The following TTLL13 variants were observed in gnomAD, a reference collection of about 807,000 sequenced individuals.
TTLL13 encodes the protein tubulin polyglutamylase TTLL13.
At chr15:90,262,636 C>T in the TTLL13 span, 1 of 1,511,408 alleles carries the variant, frequency 6.6e-7, no homozygotes, top group African/African-American at 1.4e-5. Flanking sequence ...TTTCCACCCA[C>T]TTGGCTTACA....
chr15:90,258,065 G>T, the TTLL13 span: 1 of 1,614,194 alleles, frequency 6.2e-7, no homozygotes, highest in Admixed American at 1.7e-5. Flanking sequence ...ACATCTGGCT[G>T]CAAGAGCACA....
the TTLL13 span, chr15:90,250,499 G>A: frequency 1.8e-6 from 2 of 1,132,466 alleles, no homozygotes; most frequent in Non-Finnish European, 2.5e-6. Context: ...GTCCTGAAGG[G>A]GCAGCAACTT....
chr15:90,249,573 G>T, the TTLL13 span: 80,246 of 152,240 alleles, frequency 0.53, 22,698 homozygotes, highest in African/African-American at 0.72. Context: ...GCGCTGCCCC[G>T]GCAGCCGCAG....
chr15:90,253,200 C>G, the TTLL13 span: 17 of 1,502,708 alleles, frequency 1.1e-5, no homozygotes, highest in Non-Finnish European at 1.6e-5. Context: ...AGTTCCAGGG[C>G]TTGTTGCTGG....
the TTLL13 span, chr15:90,265,439 A>G: frequency 3.1e-6 from 4 of 1,308,320 alleles, no homozygotes; most frequent in South Asian, 7.1e-5. Context: ...GGCTCTTGGA[A>G]ACGGAATCCG....
chr15:90,264,875 GAAC>G, the TTLL13 span: 1 of 1,536,046 alleles, frequency 6.5e-7, no homozygotes, highest in Non-Finnish European at 8.7e-7. Context: ...GGTAAACTCT[GAAC>G]ACAGAGCAGC....
chr15:90,250,697 A>T, the TTLL13 span: 1 of 1,614,014 alleles, frequency 6.2e-7, no homozygotes, highest in Non-Finnish European at 8.5e-7. Flanking sequence ...GGAATCTGAG[A>T]AGTGTGTTAA....
chr15:90,257,492 G>C, the TTLL13 span: 1 of 969,836 alleles, frequency 1.0e-6, no homozygotes, highest in Non-Finnish European at 1.5e-6. Context: ...TCTTCCCCAG[G>C]ATCATCTAGA....
chr15:90,264,940 A>G, the TTLL13 span: 2 of 1,535,816 alleles, frequency 1.3e-6, no homozygotes, highest in Admixed American at 2.0e-5. Flanking sequence ...GTTCCAGAGC[A>G]CTCCTCAACA....
chr15:90,259,934 T>C, the TTLL13 span, among the ~76,000 whole-genome samples: 2 of 152,230 alleles, frequency 1.3e-5, no homozygotes, highest in Non-Finnish European at 2.9e-5. Context: ...TATGATCACA[T>C]TGCTCTTCCC....
At chr15:90,264,634 G>A in the TTLL13 span, 68 of 1,455,260 alleles carry the variant, frequency 4.7e-5, no homozygotes, top group Non-Finnish European at 5.6e-5. Context: ...CTTCCTCTGT[G>A]TTGGTAATTG....
At chr15:90,252,900 C>G in the TTLL13 span, among the ~76,000 whole-genome samples, 110,872 of 152,030 alleles carry the variant, frequency 0.73, 41,226 homozygotes, top group African/African-American at 0.88. Context: ...CTATTGGGGA[C>G]GCTGAGGCAC....
chr15:90,264,494 G>C, the TTLL13 span, among the ~76,000 whole-genome samples: 2 of 152,274 alleles, frequency 1.3e-5, no homozygotes, highest in Non-Finnish European at 2.9e-5. Flanking sequence ...CTGTACACTA[G>C]ACCCTGGTGA....
chr15:90,264,801 G>C, the TTLL13 span: 1 of 1,536,070 alleles, frequency 6.5e-7, no homozygotes, highest in South Asian at 1.2e-5. Context: ...CCAAAGCAGG[G>C]CTATTTTCTG....
chr15:90,249,975 A>ATTTATTTATTTG, the TTLL13 span, among the ~76,000 whole-genome samples: 3 of 151,798 alleles, frequency 2.0e-5, no homozygotes, highest in Non-Finnish European at 4.4e-5. Flanking sequence ...TTATTTATTT[A>ATTTATTTATTTG]GAGACAGACT....
chr15:90,256,579 TTCTTTCTTTCTTTCTTTC>T, the TTLL13 span, among the ~76,000 whole-genome samples: 1 of 31,124 alleles, frequency 3.2e-5, no homozygotes, highest in African/African-American at 1.2e-4. Context: ...CTTTCTTTCT[TTCTTTCTTTCTTTCTTTC>T]TTTCTTTCTT....
the TTLL13 span, chr15:90,259,133 C>T: frequency 3.0e-5 from 37 of 1,224,812 alleles, no homozygotes; most frequent in Middle Eastern, 3.1e-4. Flanking sequence ...GAGGCTGAGG[C>T]AGGAGGATTG....
chr15:90,255,760 C>G, the TTLL13 span: 1 of 1,614,166 alleles, frequency 6.2e-7, no homozygotes, highest in South Asian at 1.1e-5. Flanking sequence ...TTCAGAAAAT[C>G]AACCACTTCC....
At chr15:90,264,093 A>T in the TTLL13 span, 25 of 1,346,398 alleles carry the variant, frequency 1.9e-5, no homozygotes, top group East Asian at 6.2e-4. Context: ...TCATTTTGAC[A>T]TATGTAAATC....
Sources: allele counts gnomAD v4.1 joint callset (sites outside exome capture counted in the v4.1 genomes callset), GRCh38; gene constraint gnomAD v4.1.1; transcripts MANE v1.5; gene names NCBI Gene and HGNC (gene_info 2026-07-23, HGNC 2026-07-21).